DOCK8: variants seen among roughly 807,000 people sequenced by gnomAD.
DOCK8 encodes the protein dedicator of cytokinesis protein 8.
In DOCK8, 141 loss-of-function variants were observed where a neutral mutation model predicts 245.6. The ratio of observed to expected loss-of-function variants is 0.57; its 90% CI spans 0.50 to 0.66. DOCK8 has a LOEUF of 0.66. Among genes scored for constraint, DOCK8 ranks in the 30% least tolerant of loss-of-function variants. DOCK8 has a pLI of 0.00. For missense variants in DOCK8, 2,965 were observed against 2,603.4 expected (o/e 1.14, Z -3.02); for synonymous variants, 1,168 against 970.2 (o/e 1.20, Z -3.79).
chr9:266,400 C>A (rs1292512761), intron 1 of DOCK8, among the ~76,000 whole-genome samples: 1 of 140,592 alleles, frequency 7.1e-6, no homozygotes, highest in Non-Finnish European at 1.6e-5. Context: ...AATGAACCAA[C>A]CATTCCTTCA....
At chr9:403,917 CATATATATATATGTGTATA>C (rs2055253753) in intron 26 of DOCK8, among the ~76,000 whole-genome samples, 2 of 65,134 alleles carry the variant, frequency 3.1e-5, no homozygotes, top group African/African-American at 1.6e-4. Context: ...TATATATATA[CATATATATATATGTGTATA>C]TATATATGTG....
chr9:385,595 G>A (rs536340759), intron 22 of DOCK8, among the ~76,000 whole-genome samples: 2 of 152,248 alleles, frequency 1.3e-5, no homozygotes, highest in Non-Finnish European at 2.9e-5. Flanking sequence ...CTATGACATC[G>A]TGTTGGTAGA....
intron 14 of DOCK8, among the ~76,000 whole-genome samples, chr9:362,894 T>G (rs564012758): frequency 6.6e-6 from 1 of 152,348 alleles, no homozygotes; most frequent in East Asian, 1.9e-4. Context: ...TCAAGGTCCC[T>G]TGGTTAACCT....
rs2051968949 is a variant in DOCK8, at chr9:347,714, T to C, written c.1679+7393T>C. On this transcript the variant is annotated intron_variant, in intron 14 of 47. Transcript: ENST00000432829. Reference sequence around the variant, plus strand: ...CAAAGACAAAGTGAATTTCTGGTGCTAGTTGCAACTTGGTCTCGATAATAA... The same window carrying C: ...CAAAGACAAAGTGAATTTCTGGTGCCAGTTGCAACTTGGTCTCGATAATAA... Among the ~76,000 whole-genome samples the C allele has an allele frequency of 2.6e-5, 4 of 152,324 alleles. No homozygotes were observed. In the South Asian group the frequency reaches 8.3e-4, roughly 32 times the overall value.
chr9:441,326 T>C lies in DOCK8; in HGVS notation c.5264T>C (p.Val1755Ala). Residue 1755 changes from valine to alanine, a missense_variant, in exon 41 of 48, where the codon GTC (valine) becomes GCC (alanine). Val to Ala is a moderately conservative substitution (Grantham distance 64). This residue lies in a region of DOCK8 where 2,825 missense variants were observed against 2,453.5 expected (regional missense o/e 1.15). Coordinates refer to ENST00000432829, the MANE Select transcript of DOCK8 (RefSeq NM_203447.4). ...YETVNEVYKL[V>A]IPILEAHREF... ...ACAGTTAATGAGGTCTACAAGCTGGTCATCCCCATCCTAGAAGCGCATCGA... is the reference window on the plus strand; with the variant it reads ...ACAGTTAATGAGGTCTACAAGCTGGCCATCCCCATCCTAGAAGCGCATCGA... The C allele has an allele frequency of 6.2e-7, 1 of 1,614,196 alleles. No homozygotes were observed. Among genetic ancestry groups the C allele is most frequent in the Non-Finnish European group, 8.5e-7 (1 of 1,180,034 alleles).
Position 421,074 on chromosome 9 carries a change from T to C in DOCK8, c.4149T>C (p.Ala1383=), listed in dbSNP as rs769740173. The part of the protein sequence containing the change: ...GARGEMMRRR[A]PGNDRFPGLN... ...GAGGGGAGATGATGCGCCGCCGGGCTCCAGGTGTGTTGGACTGGCCCTTCC... is the reference window on the plus strand; with the variant it reads ...GAGGGGAGATGATGCGCCGCCGGGCCCCAGGTGTGTTGGACTGGCCCTTCC... Residue 1383 remains alanine, a synonymous_variant, in exon 32 of 48, where the codon GCT becomes GCC. Transcript: ENST00000432829. 3.1e-6 allele frequency: 5 copies of C among 1,614,048 alleles called. No homozygotes were observed. Among genetic ancestry groups the C allele is most frequent in the Non-Finnish European group, 4.2e-6 (5 of 1,180,026 alleles).
Position 327,780 on chromosome 9 carries a change from G to C in DOCK8, c.895-242G>C, listed in dbSNP as rs560403959. Among the ~76,000 whole-genome samples the C allele has an allele frequency of 2.6e-5, 4 of 152,262 alleles. No individual in the cohort carries two copies. The South Asian group carries it at 8.3e-4, about 32-fold the overall frequency. On this transcript the variant is annotated intron_variant, in intron 8 of 47. Transcript: ENST00000432829. ...AAGTAACTGATACTCAGGAAATACC[G>C]GTGGGTTAATAAACATTTAAATGTT...
At chr9:241,075 A>G (rs1468777424) in intron 1 of DOCK8, among the ~76,000 whole-genome samples, 1 of 151,984 alleles carries the variant, frequency 6.6e-6, no homozygotes, top group Non-Finnish European at 1.5e-5. Flanking sequence ...CAAAACTAGC[A>G]AATTGTTTTT....
chr9:356,495 A>C (rs1291632080), intron 14 of DOCK8, among the ~76,000 whole-genome samples: 4 of 148,594 alleles, frequency 2.7e-5, no homozygotes, highest in Non-Finnish European at 5.9e-5. Flanking sequence ...GCACCACTGC[A>C]CTCCAGCCTG....
At chr9:274,999 C>G (rs1007988995) in intron 2 of DOCK8, among the ~76,000 whole-genome samples, 1 of 152,156 alleles carries the variant, frequency 6.6e-6, no homozygotes. Context: ...TTTGTTGTTG[C>G]TGCTGTTTTG....
intron 15 of DOCK8, chr9:368,971 TA>T (rs145282549): frequency 0.13 from 19,002 of 151,852 alleles, 2,762 homozygotes; most frequent in African/African-American, 0.36. Context: ...CACGCCCAGC[TA>T]ATTTTGTATT....
chr9:392,902 G>A lies in DOCK8; in HGVS notation c.2970+2336G>A, dbSNP rs145023854. Among the ~76,000 whole-genome samples the A allele has an allele frequency of 2.7e-3, 406 of 151,690 alleles. 5 individuals are homozygous for A. Among genetic ancestry groups the A allele is most frequent in the African/African-American group, 9.3e-3 (384 of 41,334 alleles). On this transcript the variant is annotated intron_variant, in intron 24 of 47. Coordinates refer to ENST00000432829, the MANE Select transcript of DOCK8 (RefSeq NM_203447.4). ...CACCATCATGTCTCTCCATAAAGAA[G>A]ATTCACTCAGCCTAGCTCTGCAAAA...
chr9:259,919 A>G (rs961238910), intron 1 of DOCK8, among the ~76,000 whole-genome samples: 1 of 152,244 alleles, frequency 6.6e-6, no homozygotes, highest in East Asian at 1.9e-4. Flanking sequence ...AGGAATGACC[A>G]CTGGTGCTCA....
At chr9:217,053 T>TA (rs1183445628) in intron 1 of DOCK8, among the ~76,000 whole-genome samples, 1 of 152,064 alleles carries the variant, frequency 6.6e-6, no homozygotes, top group Non-Finnish European at 1.5e-5. Flanking sequence ...ATTAAATGAA[T>TA]AATAGGTACA....
chr9:271,380 C>T (rs1428325656), intron 1 of DOCK8, among the ~76,000 whole-genome samples: 2 of 151,814 alleles, frequency 1.3e-5, no homozygotes, highest in Non-Finnish European at 2.9e-5. Context: ...CTTCTGTCAT[C>T]ATCCTTCCAG....
At chr9:312,272 G>T in intron 6 of DOCK8, 106 bp downstream of exon 6, 1 of 1,355,420 alleles carries the variant, frequency 7.4e-7, no homozygotes, top group South Asian at 1.2e-5. Flanking sequence ...TGGTGTCAGG[G>T]CTCACTTGTA....
intron 36 of DOCK8, 83 bp downstream of exon 36, chr9:429,937 A>C (rs956413829): frequency 6.5e-6 from 10 of 1,538,400 alleles, no homozygotes; most frequent in East Asian, 2.3e-5. Context: ...AAAATAAGGA[A>C]ATTTTGCAGT....
chr9:336,202 A>C (rs148821436), intron 11 of DOCK8, among the ~76,000 whole-genome samples: 1 of 152,314 alleles, frequency 6.6e-6, no homozygotes, highest in African/African-American at 2.4e-5. Flanking sequence ...ATTTGAGTAC[A>C]TGCCTCTCCC....
intron 8 of DOCK8, among the ~76,000 whole-genome samples, chr9:327,608 G>T (rs965316010): frequency 1.3e-5 from 2 of 152,120 alleles, no homozygotes; most frequent in Non-Finnish European, 2.9e-5. Flanking sequence ...TGTTGCCCAG[G>T]CTGGTTTCAA....
Sources: allele counts gnomAD v4.1 joint callset (sites outside exome capture counted in the v4.1 genomes callset), GRCh38; gene constraint gnomAD v4.1.1; regional missense constraint gnomAD v4.1.1; transcripts MANE v1.5; gene names NCBI Gene and HGNC (gene_info 2026-07-23, HGNC 2026-07-21).